PALMD: variants seen among roughly 807,000 people sequenced by gnomAD.
The protein encoded by PALMD is paralemmin-like protein.
A neutral mutation model predicts 56.2 loss-of-function variants in PALMD; 42 were observed. That is an observed-to-expected ratio of 0.75 (90% CI 0.58 to 0.97). PALMD has a LOEUF of 0.97. PALMD is among the 50% of genes least tolerant of loss of function. The pLI is 0.00. For missense variants in PALMD, 660 were observed against 643.8 expected, an observed-to-expected ratio of 1.03 and a Z score of -0.27; for synonymous variants, 242 against 222.9, an observed-to-expected ratio of 1.09 and a Z score of -0.76.
intron 2 of PALMD, among the ~76,000 whole-genome samples, chr1:99,663,567 TCA>T (rs1406263097): frequency 6.7e-6 from 1 of 148,560 alleles, no homozygotes; most frequent in African/African-American, 2.5e-5. Context: ...TCTCTCTCTC[TCA>T]CACACACACA....
chr1:99,683,554 C>T (rs916323823), intron 3 of PALMD: 2 of 152,210 alleles, frequency 1.3e-5, no homozygotes, highest in African/African-American at 4.8e-5. Flanking sequence ...TCTGACAGCT[C>T]TTTCTGTCAA....
chr1:99,657,670 C>T (rs1652756694), intron 1 of PALMD, among the ~76,000 whole-genome samples: 1 of 152,162 alleles, frequency 6.6e-6, no homozygotes, highest in Non-Finnish European at 1.5e-5. Flanking sequence ...AAATTCTGAA[C>T]CCTTTGTCAT....
chr1:99,646,340 AG>A lies in PALMD; in HGVS notation c.26del (p.Gly9GlufsTer21). The A allele has an allele frequency of 6.2e-7, 1 of 1,613,228 alleles. No homozygotes were observed. The highest frequency in any genetic ancestry group is 1.3e-5 in the African/African-American group (1 of 75,046). On this transcript the variant is annotated frameshift_variant, in exon 1 of 8. Transcript: ENST00000263174. LOFTEE classifies it high-confidence loss of function. ...AGAATGGAAGAAGCTGAGCTGGTGA[AG>A]GGAAGACTCCAGGCCATCACAGTAA... is the stretch of plus-strand genomic sequence containing the variant. The part of the protein sequence containing the change: MEEAELV[K>X]GRLQAITDKR...
chr1:99,653,971 G>A (rs1652654251), intron 1 of PALMD, among the ~76,000 whole-genome samples: 1 of 152,080 alleles, frequency 6.6e-6, no homozygotes, highest in Admixed American at 6.5e-5. Context: ...GAACTCTGAT[G>A]AGTATAGAGA....
chr1:99,662,337 G>C lies in PALMD; in HGVS notation c.64G>C (p.Glu22Gln), dbSNP rs147023510. The part of the protein sequence containing the change: ...QAITDKRKIQ[E>Q]EISQKRLKIE... ...ATTTCAGGATAAAAGAAAAATACAG[G>C]AAGAAATCTCACAGAAGCGTCTGAA... is the stretch of plus-strand genomic sequence containing the variant. Residue 22 changes from glutamate to glutamine, a missense_variant, in exon 2 of 8, where the codon GAA (glutamate) becomes CAA (glutamine). Glu to Gln is a conservative substitution (Grantham distance 29). Transcript: ENST00000263174. 1 of 1,561,330 alleles carries C rather than the reference G, an allele frequency of 6.4e-7. No individual in the cohort carries two copies. Among genetic ancestry groups the C allele is most frequent in the Non-Finnish European group, 8.8e-7 (1 of 1,139,086 alleles).
chr1:99,687,087 G>A lies in PALMD; in HGVS notation c.412G>A (p.Asp138Asn). Residue 138 changes from aspartate to asparagine, a missense_variant, in exon 6 of 8, where the codon GAC becomes AAC. Physicochemically the swap from Asp to Asn is conservative, Grantham distance 23. Transcript: ENST00000263174. ...TATTAATTTTACAGAGTCAATTGAG[G>A]ACATCTATGCTAATATCCCTGACCT... ...REERAEESIEDIYANIPDLPK... is the reference protein window; with the variant it reads ...REERAEESIENIYANIPDLPK... 6.3e-7 allele frequency: 1 copy of A among 1,590,258 alleles called. No homozygotes were observed. Among genetic ancestry groups the A allele is most frequent in the South Asian group, 1.1e-5 (1 of 89,290 alleles).
intron 3 of PALMD, among the ~76,000 whole-genome samples, chr1:99,672,632 T>C (rs1422928103): frequency 1.3e-5 from 2 of 152,174 alleles, no homozygotes; most frequent in African/African-American, 4.8e-5. Flanking sequence ...CAGTTGTCCA[T>C]GACCTCCCTT....
rs1571073768 is a variant in PALMD, at chr1:99,683,624, A to G, written c.252-3052A>G. The G allele has an allele frequency of 2.0e-5, 3 of 152,282 alleles. No individual in the cohort carries two copies. In the Middle Eastern group the frequency reaches 0.01, roughly 518 times the overall value. The allele number at this position is 152,282 out of a possible 1,614,324, so 9.4% of individuals were successfully genotyped here. A position where few individuals can be genotyped will look rare whatever the true frequency, so the allele number is the denominator to read the frequency against. ...ACTGGCAACCAACCTGGATTACACC[A>G]TCTTCATCTAGATTTTTAGCACAAT... On this transcript the variant is annotated intron_variant, in intron 3 of 7. Coordinates refer to ENST00000263174, the MANE Select transcript of PALMD (RefSeq NM_017734.5).
chr1:99,657,671 C>G (rs1468421249), intron 1 of PALMD, among the ~76,000 whole-genome samples: 1 of 152,118 alleles, frequency 6.6e-6, no homozygotes, highest in Non-Finnish European at 1.5e-5. Flanking sequence ...AATTCTGAAC[C>G]CTTTGTCATG....
Position 99,674,065 on chromosome 1 carries a change from C to A in PALMD, c.251+6299C>A, listed in dbSNP as rs74854080. 9.0e-3 allele frequency among the ~76,000 whole-genome samples: 1,371 copies of A among 152,208 alleles called. 19 individuals are homozygous for A. Among genetic ancestry groups the A allele is most frequent in the African/African-American group, 0.031 (1,285 of 41,524 alleles). ...AGGGCAAAGTTAAATGGTAGTAGTG[C>A]CCTGGTTTTTTAAACAATTATCAAT... On this transcript the variant is annotated intron_variant, in intron 3 of 7. Coordinates refer to ENST00000263174, the MANE Select transcript of PALMD (RefSeq NM_017734.5).
chr1:99,666,538 C>T lies in PALMD; in HGVS notation c.127-1104C>T, dbSNP rs1557669590. ...ACACACAAAGTTATTCTTACTTACT[C>T]TCATTTAAATTTCAATATAAGAGAA... On this transcript the variant is annotated intron_variant, in intron 2 of 7. Coordinates refer to ENST00000263174, the MANE Select transcript of PALMD (RefSeq NM_017734.5). Among the ~76,000 whole-genome samples, 5 of 152,064 alleles carry T rather than the reference C, an allele frequency of 3.3e-5. No homozygotes were observed. The East Asian group carries it at 9.6e-4, about 29-fold the overall frequency.
intron 1 of PALMD, among the ~76,000 whole-genome samples, chr1:99,655,739 T>A (rs890912150): frequency 3.3e-5 from 5 of 152,238 alleles, no homozygotes; most frequent in African/African-American, 1.2e-4. Context: ...AATGCTGTAT[T>A]TCCTCTTCAG....
intron 2 of PALMD, among the ~76,000 whole-genome samples, chr1:99,665,910 T>A (rs1445899753): frequency 1.3e-5 from 2 of 152,152 alleles, no homozygotes; most frequent in Non-Finnish European, 2.9e-5. Context: ...GGAAAACATT[T>A]TTGCAAACAG....
intron 1 of PALMD, among the ~76,000 whole-genome samples, chr1:99,646,760 T>A (rs1232991062): frequency 2.0e-5 from 3 of 152,224 alleles, no homozygotes; most frequent in Non-Finnish European, 4.4e-5. Flanking sequence ...CTCAAAAAGT[T>A]AGAATTTTTT....
At chr1:99,663,285 T>G (rs1400314389) in intron 2 of PALMD, among the ~76,000 whole-genome samples, 1 of 152,204 alleles carries the variant, frequency 6.6e-6, no homozygotes, top group Non-Finnish European at 1.5e-5. Flanking sequence ...GCTTCTTTGC[T>G]TCTAAACAAG....
chr1:99,683,495 C>T (rs1653418577), intron 3 of PALMD: 1 of 152,212 alleles, frequency 6.6e-6, no homozygotes, highest in South Asian at 2.1e-4. Context: ...AGTGGAATCA[C>T]CTTGACATCT....
At chr1:99,650,354 T>C (rs904532968) in intron 1 of PALMD, among the ~76,000 whole-genome samples, 38 of 146,474 alleles carry the variant, frequency 2.6e-4, no homozygotes, top group African/African-American at 9.5e-4. Context: ...TCCCTACTGC[T>C]TTCCACTCCC....
At chr1:99,678,278 T>C (rs899317978) in intron 3 of PALMD, among the ~76,000 whole-genome samples, 9 of 152,026 alleles carry the variant, frequency 5.9e-5, no homozygotes, top group Non-Finnish European at 2.9e-5. Flanking sequence ...CTAATTTTTG[T>C]ATTTTTAGTA....
In PALMD at chr1:99,694,205, A is replaced by G. The variant is rs1653726973; in HGVS notation, c.*143A>G. 3.9e-6 allele frequency: 2 copies of G among 506,494 alleles called. No homozygotes were observed. The highest frequency in any genetic ancestry group is 3.3e-5 in the East Asian group (1 of 30,076). 31.4% of individuals were successfully genotyped at this position (506,494 alleles called of 1,614,324 possible). On this transcript the variant is annotated 3_prime_UTR_variant, in exon 8 of 8. Transcript: ENST00000263174. ...ACCATATTAAGCCATGTGAATAAGTAGTAGTCATTATTTGTGAAAAATTCC... is the reference window on the plus strand; with the variant it reads ...ACCATATTAAGCCATGTGAATAAGTGGTAGTCATTATTTGTGAAAAATTCC...
Sources: allele counts gnomAD v4.1 joint callset (sites outside exome capture counted in the v4.1 genomes callset), GRCh38; gene constraint gnomAD v4.1.1; transcripts MANE v1.5; gene names NCBI Gene and HGNC (gene_info 2026-07-23, HGNC 2026-07-21).